The following DDX10 variants were observed in gnomAD, a reference collection of about 807,000 sequenced individuals.
The protein encoded by DDX10 is probable ATP-dependent RNA helicase DDX10.
A neutral mutation model predicts 104.3 loss-of-function variants in DDX10; 74 were observed. The observed-to-expected ratio is 0.71, with a 90% CI of 0.59 to 0.86. DDX10 has a LOEUF of 0.86. DDX10 is among the 40% of genes least tolerant of loss of function. The pLI is 0.00. For synonymous variants in DDX10, 351 were observed against 353.4 expected, an observed-to-expected ratio of 0.99 and a Z score of 0.08; for missense variants, 952 against 1,040.0, an observed-to-expected ratio of 0.92 and a Z score of 1.16.
intron 16 of DDX10, among the ~76,000 whole-genome samples, chr11:108,858,277 T>C (rs1862897566): frequency 6.6e-6 from 1 of 152,198 alleles, no homozygotes; most frequent in Non-Finnish European, 1.5e-5. Context: ...GGACTTCGTG[T>C]ACATTATTCT....
intron 13 of DDX10, among the ~76,000 whole-genome samples, chr11:108,794,794 C>T (rs757425240): frequency 4.6e-5 from 7 of 151,516 alleles, no homozygotes; most frequent in Non-Finnish European, 1.0e-4. Context: ...CCTATGTTTG[C>T]GAAACCTGTT....
chr11:108,848,637 A>G (rs2514120), intron 15 of DDX10, among the ~76,000 whole-genome samples: 22,929 of 152,066 alleles, frequency 0.15, 2,124 homozygotes, highest in East Asian at 0.27. Flanking sequence ...ATTTAGCTCA[A>G]TATCTTGGTG....
rs551507151 is a variant in DDX10 at position 108,883,257 on chromosome 11, A to T, written c.2304+31048A>T. ...TGATGATTGCTTTTGAAGTTATATT[A>T]AAAAAATCACTGACAGAATCTCTGA... is the stretch of plus-strand genomic sequence containing the variant. On this transcript the variant is annotated intron_variant, in intron 16 of 17. Coordinates refer to ENST00000322536, the MANE Select transcript of DDX10 (RefSeq NM_004398.4). Among the ~76,000 whole-genome samples, 12 of 152,284 alleles carry T rather than the reference A, an allele frequency of 7.9e-5. No homozygotes were observed. In the East Asian group the frequency reaches 2.1e-3, roughly 27 times the overall value.
At chr11:108,782,713 G>A (rs1388971238) in intron 13 of DDX10, among the ~76,000 whole-genome samples, 1 of 151,946 alleles carries the variant, frequency 6.6e-6, no homozygotes, top group Non-Finnish European at 1.5e-5. Flanking sequence ...TCTACCAAAT[G>A]ACTAACCAGT....
intron 13 of DDX10, among the ~76,000 whole-genome samples, chr11:108,749,092 A>C (rs1054142800): frequency 6.6e-6 from 1 of 151,230 alleles, no homozygotes; most frequent in Middle Eastern, 3.4e-3. Flanking sequence ...CTCTCTATAT[A>C]TATATTATAT....
chr11:108,810,431 A>G (rs1862163462), intron 13 of DDX10, among the ~76,000 whole-genome samples: 1 of 152,114 alleles, frequency 6.6e-6, no homozygotes, highest in Admixed American at 6.6e-5. Flanking sequence ...AGAATAGGAG[A>G]TGCTGCACCC....
intron 13 of DDX10, among the ~76,000 whole-genome samples, chr11:108,822,958 G>C (rs1208220461): frequency 6.6e-6 from 1 of 152,204 alleles, no homozygotes; most frequent in Non-Finnish European, 1.5e-5. Flanking sequence ...TAGGAGCACA[G>C]ACTAGGTTTT....
At chr11:108,816,173 A>G (rs1472567204) in intron 13 of DDX10, among the ~76,000 whole-genome samples, 1 of 151,486 alleles carries the variant, frequency 6.6e-6, no homozygotes, top group Non-Finnish European at 1.5e-5. Flanking sequence ...TCCTTTTCCC[A>G]TCTTTAAATG....
At chr11:108,798,443 A>G (rs1222681193) in intron 13 of DDX10, among the ~76,000 whole-genome samples, 1 of 152,168 alleles carries the variant, frequency 6.6e-6, no homozygotes, top group Non-Finnish European at 1.5e-5. Context: ...GTAACTCTGT[A>G]ATTCCTGGTT....
At chr11:108,719,757 A>T in intron 11 of DDX10, 40 bp from the exon 12 acceptor site, 1 of 1,279,754 alleles carries the variant, frequency 7.8e-7, no homozygotes. Context: ...CTCATTTTTA[A>T]TTTCTATTAT....
At position 108,690,853 on chromosome 11, in the gene DDX10, T is replaced by C. The variant is rs148646089; in HGVS notation, c.976-1023T>C. 5.0e-4 allele frequency: 85 copies of C among 169,600 alleles called. 2 individuals carry two copies. The highest frequency in any genetic ancestry group is 1.7e-3 in the Admixed American group (27 of 16,290). The allele number at this position is 169,600 out of a possible 1,614,324, so 10.5% of individuals were successfully genotyped here. ...CATCCACCCCTTGGCTTTGCCTCAG[T>C]GGCCTTGGTTGCAGGTGCTATTGCT... is the stretch of plus-strand genomic sequence containing the variant. On this transcript the variant is annotated intron_variant, in intron 7 of 17. Coordinates refer to ENST00000322536, the MANE Select transcript of DDX10 (RefSeq NM_004398.4).
chr11:108,866,658 C>T (rs559778891), intron 16 of DDX10, among the ~76,000 whole-genome samples: 2 of 152,200 alleles, frequency 1.3e-5, no homozygotes, highest in Non-Finnish European at 2.9e-5. Flanking sequence ...TAATAGAGGA[C>T]AATTTTTAAT....
chr11:108,917,995 T>C lies in DDX10; in HGVS notation c.2427T>C (p.Ser809=), dbSNP rs200227028. 98 of 1,613,570 alleles carry C rather than the reference T, an allele frequency of 6.1e-5. No individual in the cohort carries two copies. The highest frequency in any genetic ancestry group is 7.8e-5 in the Non-Finnish European group (92 of 1,179,882). Residue 809 remains serine, a synonymous_variant, in exon 17 of 18, where the codon AGT becomes AGC. Coordinates refer to ENST00000322536, the MANE Select transcript of DDX10 (RefSeq NM_004398.4). ...DKYRSSEDSD[S]EDMENKISDT... is the part of the protein sequence containing the mutation. ...ACAGAAGCTCTGAAGATTCAGATAG[T>C]GAAGATATGGAAAATAAAATAAGGT...
At chr11:108,733,503 G>A (rs947598531) in intron 13 of DDX10, among the ~76,000 whole-genome samples, 2 of 152,156 alleles carry the variant, frequency 1.3e-5, no homozygotes, top group Non-Finnish European at 2.9e-5. Flanking sequence ...ACAGCCTTGT[G>A]TAGTGTTGTT....
rs141623355 is a variant in DDX10, at chr11:108,928,774, T to C, written c.2450+10756T>C. ...ATATGACATTGAATAGGGTCATTAA[T>C]GTGCAGTAATTATTTTAATTACTAA... On this transcript the variant is annotated intron_variant, in intron 17 of 17. Transcript: ENST00000322536. 2.1e-3 allele frequency among the ~76,000 whole-genome samples: 320 copies of C among 152,328 alleles called. 1 individual carries two copies. Among genetic ancestry groups the C allele is most frequent in the African/African-American group, 7.3e-3 (303 of 41,578 alleles).
chr11:108,736,957 C>T (rs978241808), intron 13 of DDX10, among the ~76,000 whole-genome samples: 8 of 152,138 alleles, frequency 5.3e-5, no homozygotes, highest in African/African-American at 1.7e-4. Flanking sequence ...CTTCTGTAGG[C>T]ACATTGTCTA....
At chr11:108,731,432 G>T (rs368740963) in intron 13 of DDX10, among the ~76,000 whole-genome samples, 1 of 151,702 alleles carries the variant, frequency 6.6e-6, no homozygotes, top group Non-Finnish European at 1.5e-5. Flanking sequence ...ATTTTCACTC[G>T]TGTTAATATC....
chr11:108,794,913 C>T lies in DDX10; in HGVS notation c.1966-43533C>T, dbSNP rs751827925. Among the ~76,000 whole-genome samples the T allele has an allele frequency of 5.3e-5, 8 of 151,612 alleles. 1 individual carries two copies. Among genetic ancestry groups the T allele is most frequent in the South Asian group, 4.2e-4 (2 of 4,806 alleles). On this transcript the variant is annotated intron_variant, in intron 13 of 17. Transcript: ENST00000322536. ...ACCATTTCGGCTCACCTGTAACCTC[C>T]GCCTCCCGGGTTCAAGTGATTCTCC...
At chr11:108,762,243 T>G (rs997579576) in intron 13 of DDX10, among the ~76,000 whole-genome samples, 2 of 152,168 alleles carry the variant, frequency 1.3e-5, no homozygotes, top group African/African-American at 4.8e-5. Context: ...GAGGCAGAAA[T>G]AGATAAGCGG....
Sources: allele counts gnomAD v4.1 joint callset (sites outside exome capture counted in the v4.1 genomes callset), GRCh38; gene constraint gnomAD v4.1.1; transcripts MANE v1.5; gene names NCBI Gene and HGNC (gene_info 2026-07-23, HGNC 2026-07-21).